EDARADD: variants seen among roughly 807,000 people sequenced by gnomAD.
EDARADD encodes the protein EDAR associated via death domain.
Under a neutral mutation model 25.6 loss-of-function variants are expected in EDARADD, and 20 were observed. The ratio of observed to expected loss-of-function variants is 0.78; its 90% confidence interval spans 0.55 to 1.14. The LOEUF is 1.14. Among genes scored for constraint, EDARADD ranks in the 50% most tolerant of loss-of-function variants. The pLI, the probability that EDARADD is intolerant of heterozygous loss-of-function variation, is 0.00. For missense variants in EDARADD, 225 were observed against 270.1 expected (o/e 0.83, Z 1.17); for synonymous variants, 86 against 94.4 (o/e 0.91, Z 0.52).
intron 3 of EDARADD, among the ~76,000 whole-genome samples, chr1:236,381,953 TAA>T (rs1667306315): frequency 6.6e-6 from 1 of 152,070 alleles, no homozygotes; most frequent in Non-Finnish European, 1.5e-5. Context: ...CTTAGTCTGT[TAA>T]AATTTTATCT....
Position 236,416,200 on chromosome 1 carries a change from C to T in EDARADD, c.160+1901C>T, listed in dbSNP as rs72753341. Among the ~76,000 whole-genome samples, 653 of 152,290 alleles carry T rather than the reference C, an allele frequency of 4.3e-3. 3 individuals are homozygous for T. The highest frequency in any genetic ancestry group is 7.1e-3 in the Admixed American group (108 of 15,298). ...AGCACAGCGGGGAGGACAAGGTTAC[C>T]GTCCACCTCCCAGGGTGCTGGTGAG... On this transcript the variant is annotated intron_variant, in intron 3 of 5. Coordinates refer to ENST00000334232, the MANE Select transcript of EDARADD (RefSeq NM_145861.4).
At chr1:236,441,269 T>TTATA (rs763799702) in intron 4 of EDARADD, among the ~76,000 whole-genome samples, 1 of 144,780 alleles carries the variant, frequency 6.9e-6, no homozygotes, top group African/African-American at 2.5e-5. Context: ...CCCTCTTTAT[T>TTATA]TATATATATA....
chr1:236,400,139 C>G (rs1219649446), intron 1 of EDARADD, among the ~76,000 whole-genome samples: 2 of 152,242 alleles, frequency 1.3e-5, no homozygotes, highest in Non-Finnish European at 2.9e-5. Flanking sequence ...TCTTTCTCCT[C>G]CACGTGGGTT....
chr1:236,449,814 T>C (rs1013928887), intron 4 of EDARADD, among the ~76,000 whole-genome samples: 2 of 152,176 alleles, frequency 1.3e-5, no homozygotes, highest in African/African-American at 4.8e-5. Context: ...ATAAAAGTAA[T>C]AGGCGGCTGG....
intron 3 of EDARADD, among the ~76,000 whole-genome samples, chr1:236,375,935 CTTTT>C (rs35653732): frequency 1.7e-5 from 2 of 120,236 alleles, no homozygotes; most frequent in Admixed American, 9.3e-5. Context: ...TTACCTGCAC[CTTTT>C]TTTTTTTTTT....
At chr1:236,468,107 T>C (rs1269070846) in intron 4 of EDARADD, 124 bp from the exon 5 acceptor site, 3 of 873,268 alleles carry the variant, frequency 3.4e-6, no homozygotes, top group East Asian at 5.0e-5. Context: ...ATTCTCAAGA[T>C]CCAGTCCCTC....
intron 4 of EDARADD, among the ~76,000 whole-genome samples, chr1:236,464,508 A>G (rs994011841): frequency 3.6e-5 from 5 of 137,804 alleles, no homozygotes; most frequent in East Asian, 2.1e-4. Flanking sequence ...TCTCGGCTCA[A>G]TGCAACCTCC....
intron 3 of EDARADD, among the ~76,000 whole-genome samples, chr1:236,427,125 G>T (rs548268839): frequency 3.9e-4 from 59 of 152,174 alleles, no homozygotes; most frequent in African/African-American, 1.3e-3. Flanking sequence ...CAGGTGATCC[G>T]CCTGCCCCTG....
intron 4 of EDARADD, among the ~76,000 whole-genome samples, chr1:236,457,130 A>G (rs1658891255): frequency 6.6e-6 from 1 of 152,204 alleles, no homozygotes; most frequent in South Asian, 2.1e-4. Context: ...GAAAAGCCAT[A>G]GTACTCTGAT....
chr1:236,405,815 TCCTTC>T, intron 1 of EDARADD, among the ~76,000 whole-genome samples: 1 of 138,680 alleles, frequency 7.2e-6, no homozygotes, highest in Admixed American at 7.2e-5. Flanking sequence ...TTTCTTTCCT[TCCTTC>T]CTTTCCTTCC....
At chr1:236,409,390 G>T in intron 2 of EDARADD, 116 bp downstream of exon 2, 1 of 788,598 alleles carries the variant, frequency 1.3e-6, no homozygotes, top group Non-Finnish European at 2.1e-6. Flanking sequence ...CCCAAAGTAA[G>T]ATTTTTCTAA....
At chr1:236,390,035 A>G (rs1219901626), upstream of EDARADD, among the ~76,000 whole-genome samples, 1 of 152,064 alleles carries the variant, frequency 6.6e-6, no homozygotes, top group African/African-American at 2.4e-5. Context: ...GAAGGTAGCA[A>G]AAGAAGATTT....
rs1666997423 is a variant in EDARADD at position 236,357,764 on chromosome 1, C to G, written c.-6+6925C>G. On this transcript the variant is annotated intron_variant, in intron 3 of 7. Transcript: ENST00000439430. ...GGATCTGCCCCAGTGACCTAAATAC[C>G]TTCCACCAGGTCCCACCTCCAACAT... 2.6e-5 allele frequency among the ~76,000 whole-genome samples: 4 copies of G among 151,960 alleles called. No individual in the cohort carries two copies. The South Asian group carries it at 8.3e-4, about 32-fold the overall frequency.
chr1:236,359,673 G>C (rs922502452), intron 3 of EDARADD, among the ~76,000 whole-genome samples: 1 of 152,222 alleles, frequency 6.6e-6, no homozygotes, highest in Non-Finnish European at 1.5e-5. Flanking sequence ...TACGTGGATG[G>C]CAGTAGACAA....
In EDARADD at chr1:236,445,234, C is replaced by CTTTTTTTTTTTTTTTTTTTTTTT. The variant is rs61333307; in HGVS notation, c.219+17795_219+17796insTTTTTTTTTTTTTTTTTTTTTTT. Among the ~76,000 whole-genome samples, 74 of 89,714 alleles carry CTTTTTTTTTTTTTTTTTTTTTTT rather than the reference C, an allele frequency of 8.2e-4. 22 individuals carry two copies. Among genetic ancestry groups the CTTTTTTTTTTTTTTTTTTTTTTT allele is most frequent in the Middle Eastern group, 9.1e-3 (1 of 110 alleles). 58.9% of individuals were successfully genotyped at this position (89,714 alleles called of 152,430 possible). A position where few individuals can be genotyped will look rare whatever the true frequency, so the allele number is the denominator to read the frequency against. On this transcript the variant is annotated intron_variant, in intron 4 of 5. Coordinates refer to ENST00000334232, the MANE Select transcript of EDARADD (RefSeq NM_145861.4). ...TGCATTAGCTGGGACATAATAAATTCTTTTTTTTTTTGAGACAGAGTCTTG... is the reference window on the plus strand; with the variant it reads ...TGCATTAGCTGGGACATAATAAATTCTTTTTTTTTTTTTTTTTTTTTTTTTTTTTTTTTTGAGACAGAGTCTTG...
At chr1:236,374,168 AATAAT>A (rs1425128097) in intron 3 of EDARADD, among the ~76,000 whole-genome samples, 1 of 152,184 alleles carries the variant, frequency 6.6e-6, no homozygotes, top group Non-Finnish European at 1.5e-5. Context: ...AATAGATATC[AATAAT>A]ATCAAGTTGA....
chr1:236,355,484 T>C (rs1199689933), intron 3 of EDARADD, among the ~76,000 whole-genome samples: 3 of 147,502 alleles, frequency 2.0e-5, no homozygotes, highest in Non-Finnish European at 4.5e-5. Context: ...CCACTCATTC[T>C]CTTCTGCTTC....
intron 4 of EDARADD, among the ~76,000 whole-genome samples, chr1:236,453,108 C>T (rs1351815058): frequency 6.6e-6 from 1 of 152,052 alleles, no homozygotes; most frequent in African/African-American, 2.4e-5. Context: ...ACTAAGCAAC[C>T]CAGAGGCACT....
chr1:236,442,761 G>A (rs1035160416), intron 4 of EDARADD, among the ~76,000 whole-genome samples: 1 of 152,150 alleles, frequency 6.6e-6, no homozygotes, highest in Non-Finnish European at 1.5e-5. Flanking sequence ...ACTGTTCATT[G>A]ACGATGTTCC....
Sources: gnomAD v4.1 joint callset for allele counts (sites outside exome capture counted in the v4.1 genomes callset) on GRCh38, gnomAD v4.1.1 for gene constraint, MANE v1.5 for transcripts, NCBI Gene and HGNC (gene_info 2026-07-23, HGNC 2026-07-21) for gene names.